The following DMGDH variants were observed in gnomAD, a reference collection of about 807,000 sequenced individuals.
The protein encoded by DMGDH is dimethylglycine dehydrogenase, mitochondrial.
DMGDH carries 76 observed loss-of-function variants against 95.2 expected under a neutral mutation model. That is an observed-to-expected ratio of 0.80 (90% confidence interval 0.66 to 0.97). DMGDH has a LOEUF of 0.97. DMGDH is among the 50% of genes least tolerant of loss of function. The probability of loss-of-function intolerance (pLI) is 0.00; values close to 1 mark genes in which losing one functional copy is unlikely to be tolerated. For synonymous variants in DMGDH, 345 were observed against 377.6 expected, an observed-to-expected ratio of 0.91 and a Z score of 1.00; for missense variants, 987 against 1,055.0, an observed-to-expected ratio of 0.94 and a Z score of 0.89.
chr5:79,066,452 A>ATTT (rs762509914), intron 1 of DMGDH, among the ~76,000 whole-genome samples: 1 of 138,962 alleles, frequency 7.2e-6, no homozygotes, highest in Non-Finnish European at 1.6e-5. Context: ...CGCCCGGCTA[A>ATTT]TTTTTTTTTT....
At chr5:79,020,697 G>A (rs2112611223) in intron 14 of DMGDH, 1 of 981,900 alleles carries the variant, frequency 1.0e-6, no homozygotes, top group East Asian at 1.1e-4. Context: ...ATTTTATTCT[G>A]TTTCTACTAG....
chr5:79,036,615 G>C (rs967763578), intron 7 of DMGDH, among the ~76,000 whole-genome samples: 1 of 152,138 alleles, frequency 6.6e-6, no homozygotes, highest in Non-Finnish European at 1.5e-5. Context: ...GATATTCTGC[G>C]AGTAAGGTAA....
chr5:79,001,496 C>T (rs769556827), intron 15 of DMGDH, among the ~76,000 whole-genome samples: 2 of 152,116 alleles, frequency 1.3e-5, no homozygotes, highest in Non-Finnish European at 2.9e-5. Flanking sequence ...TTCTTGATAA[C>T]CTTGTTTTCA....
chr5:79,051,550 A>T, intron 4 of DMGDH, 59 bp from the exon 5 acceptor site: 1 of 1,466,732 alleles, frequency 6.8e-7, no homozygotes, highest in South Asian at 1.2e-5. Context: ...ACTCAGTAAA[A>T]ATATATCCTG....
chr5:79,069,398 A>C, intron 1 of DMGDH, 122 bp downstream of exon 1: 1 of 437,334 alleles, frequency 2.3e-6, no homozygotes, highest in Non-Finnish European at 3.8e-6. Context: ...TAATTCGAGA[A>C]GATATATCAA....
chr5:79,029,630 G>A (rs1386085105), intron 11 of DMGDH, among the ~76,000 whole-genome samples: 4 of 151,908 alleles, frequency 2.6e-5, no homozygotes, highest in Non-Finnish European at 5.9e-5. Context: ...AATTCATTAA[G>A]GTAATATCTA....
At chr5:79,028,213 A>C (rs1360107402) in intron 12 of DMGDH, among the ~76,000 whole-genome samples, 1 of 152,052 alleles carries the variant, frequency 6.6e-6, no homozygotes, top group Non-Finnish European at 1.5e-5. Flanking sequence ...AAATCTGTGG[A>C]ACCACTTTCA....
At chr5:79,061,220 AACACACAC>A (rs34931005) in intron 2 of DMGDH, among the ~76,000 whole-genome samples, 4,099 of 141,708 alleles carry the variant, frequency 0.029, 111 homozygotes, top group African/African-American at 0.071. Flanking sequence ...CTCTGTCTCA[AACACACAC>A]ACACACACAC....
chr5:79,033,473 A>C, intron 7 of DMGDH, 65 bp from the exon 8 acceptor site: 1 of 1,584,542 alleles, frequency 6.3e-7, no homozygotes, highest in Non-Finnish European at 8.6e-7. Context: ...AACATAATCA[A>C]ACTATTTTAT....
In DMGDH at chr5:79,029,902, A is replaced by G; in HGVS notation, c.1814+2T>C. On this transcript the variant is annotated splice_donor_variant, in intron 11 of 15. Coordinates refer to ENST00000255189, the MANE Select transcript of DMGDH (RefSeq NM_013391.3). LOFTEE classifies it high-confidence loss of function. ...AAATTTTCTTACTAGGTGTGCACTTACCTAAGATCATGAAGTTCTGATCCA... is the reference window on the plus strand; with the variant it reads ...AAATTTTCTTACTAGGTGTGCACTTGCCTAAGATCATGAAGTTCTGATCCA... 6.2e-7 allele frequency: 1 copy of G among 1,613,984 alleles called. No individual in the cohort carries two copies.
Position 79,028,332 on chromosome 5 carries a change from TCA to T in DMGDH, c.2032+99_2032+100del, listed in dbSNP as rs201976488. ...TGTGAGTGTGCACATGCATACACAC[TCA>T]CACATTTCTTGTGACATGACCTTTT... On this transcript the variant is annotated intron_variant, in intron 12 of 15. Transcript: ENST00000255189. 18,690 of 1,049,922 alleles carry T rather than the reference TCA, an allele frequency of 0.018. 310 individuals are homozygous for T. The highest frequency in any genetic ancestry group is 0.065 in the South Asian group (4,691 of 72,078). 65.0% of individuals were successfully genotyped at this position (1,049,922 alleles called of 1,614,324 possible). A position where few individuals can be genotyped will look rare whatever the true frequency, so the allele number is the denominator to read the frequency against.
In DMGDH at chr5:79,006,845, A is replaced by AC. The variant is rs3214906; in HGVS notation, c.2251-1439dup. Among the ~76,000 whole-genome samples, 640 of 95,316 alleles carry AC rather than the reference A, an allele frequency of 6.7e-3. 8 individuals carry two copies. Among genetic ancestry groups the AC allele is most frequent in the African/African-American group, 0.021 (535 of 25,548 alleles). 62.5% of individuals were successfully genotyped at this position (95,316 alleles called of 152,430 possible). ...GGGTCCTCACACACCCTCACCTGAGACCCCCCCAGTCCATTCCTTTCCTAG... is the reference window on the plus strand; with the variant it reads ...GGGTCCTCACACACCCTCACCTGAGACCCCCCCCAGTCCATTCCTTTCCTAG... On this transcript the variant is annotated intron_variant, in intron 14 of 15. Transcript: ENST00000255189.
chr5:79,044,107 T>C (rs967936287), intron 6 of DMGDH, among the ~76,000 whole-genome samples, 197 bp downstream of exon 6: 4 of 152,224 alleles, frequency 2.6e-5, no homozygotes, highest in Admixed American at 2.0e-4. Flanking sequence ...ACTACATCTT[T>C]CTTTTCCCCT....
chr5:79,007,326 T>C (rs1753567748), intron 14 of DMGDH, among the ~76,000 whole-genome samples: 2 of 152,108 alleles, frequency 1.3e-5, no homozygotes, highest in African/African-American at 4.8e-5. Context: ...AAATACAGTA[T>C]TCGTGGGATT....
intron 14 of DMGDH, 106 bp from the exon 15 acceptor site, chr5:79,005,513 C>T: frequency 6.8e-7 from 1 of 1,460,248 alleles, no homozygotes; most frequent in Non-Finnish European, 9.4e-7. Context: ...ACCAATTACA[C>T]ATTAAATAAA....
chr5:79,001,494 A>G lies in DMGDH; in HGVS notation c.2386-3197T>C, dbSNP rs376131137. Among the ~76,000 whole-genome samples, 22 of 152,224 alleles carry G rather than the reference A, an allele frequency of 1.4e-4. 1 individual carries two copies. The highest frequency in any genetic ancestry group is 5.1e-4 in the African/African-American group (21 of 41,548). On this transcript the variant is annotated intron_variant, in intron 15 of 15. Transcript: ENST00000255189. ...TTGCTTTTTGAAAGACTTTCTTGAT[A>G]ACCTTGTTTTCATTTCCCCATCTGT...
intron 14 of DMGDH, among the ~76,000 whole-genome samples, chr5:79,009,360 C>T (rs994337526): frequency 9.3e-6 from 1 of 107,740 alleles, no homozygotes; most frequent in African/African-American, 3.4e-5. Flanking sequence ...CTTTTCTTTT[C>T]TTTTCTTTTT....
intron 1 of DMGDH, among the ~76,000 whole-genome samples, chr5:79,067,495 G>C (rs1755412331): frequency 6.6e-6 from 1 of 152,164 alleles, no homozygotes. Flanking sequence ...CAGGAAACCT[G>C]GGTTTGAGTC....
intron 1 of DMGDH, among the ~76,000 whole-genome samples, chr5:79,069,163 TGTGC>T: frequency 8.4e-6 from 1 of 119,486 alleles, no homozygotes; most frequent in Admixed American, 9.3e-5. Context: ...CAAGTCAGTG[TGTGC>T]TGATATGGAA....
Sources: gnomAD v4.1 joint callset for allele counts (sites outside exome capture counted in the v4.1 genomes callset) on GRCh38, gnomAD v4.1.1 for gene constraint, MANE v1.5 for transcripts, NCBI Gene and HGNC (gene_info 2026-07-23, HGNC 2026-07-21) for gene names.